Variants in RSPH14 observed in about 807,000 individuals in gnomAD.
The protein encoded by RSPH14 is rhabdoid tumor deletion region gene 1.
A neutral mutation model predicts 26.7 loss-of-function variants in RSPH14; 20 were observed. That is an observed-to-expected ratio of 0.75 (90% CI 0.53 to 1.09). The LOEUF (loss-of-function observed/expected upper bound fraction) is 1.09. Ranked by LOEUF, RSPH14 falls within the 50% of genes least tolerant of loss-of-function variation. The pLI is 0.00. For missense variants in RSPH14, 449 were observed against 457.2 expected, an observed-to-expected ratio of 0.98 and a Z score of 0.16; for synonymous variants, 177 against 189.3, an observed-to-expected ratio of 0.93 and a Z score of 0.53.
chr22:23,069,093 G>A (rs1335900238), intron 4 of RSPH14, among the ~76,000 whole-genome samples: 1 of 152,220 alleles, frequency 6.6e-6, no homozygotes, highest in African/African-American at 2.4e-5. Flanking sequence ...TCTCACAGAA[G>A]AGGAAACATT....
chr22:23,091,276 G>A (rs1458591694), intron 4 of RSPH14, among the ~76,000 whole-genome samples: 2 of 152,140 alleles, frequency 1.3e-5, no homozygotes, highest in African/African-American at 4.8e-5. Context: ...CCATGCACCT[G>A]CACTCTCACA....
chr22:23,157,178 G>C, the RSPH14 span, among the ~76,000 whole-genome samples: 1 of 152,068 alleles, frequency 6.6e-6, no homozygotes, highest in African/African-American at 2.4e-5. Context: ...AAGTTGTTTC[G>C]CTAAAGCAGG....
intron 4 of RSPH14, among the ~76,000 whole-genome samples, chr22:23,130,349 G>T: frequency 6.6e-6 from 1 of 151,604 alleles, no homozygotes; most frequent in East Asian, 1.9e-4. Flanking sequence ...CAGCTACTCG[G>T]GAGGCTGAGG....
At chr22:23,161,427 G>A in the RSPH14 span, 2 of 1,323,604 alleles carry the variant, frequency 1.5e-6, no homozygotes, top group South Asian at 1.2e-5. Context: ...TGACTGTCAG[G>A]GCCGGCATCC....
At chr22:23,096,061 CG>C in intron 4 of RSPH14, 1 of 1,607,770 alleles carries the variant, frequency 6.2e-7, no homozygotes, top group Non-Finnish European at 8.5e-7. Flanking sequence ...AGATCACACC[CG>C]AGCTGCTGGG....
upstream of RSPH14, chr22:23,145,304 A>G (rs1483619951): frequency 1.6e-6 from 2 of 1,231,700 alleles, no homozygotes; most frequent in Non-Finnish European, 2.1e-6. Flanking sequence ...CCGGCTCTCC[A>G]GGGTGTCCAG....
intron 4 of RSPH14, chr22:23,122,720 G>C (rs572080406): frequency 3.6e-6 from 1 of 278,548 alleles, no homozygotes; most frequent in East Asian, 7.1e-5. Flanking sequence ...GCAGCCTGTG[G>C]ATGGGCAGTG....
At chr22:23,172,164 G>A in the RSPH14 span, among the ~76,000 whole-genome samples, 2 of 152,144 alleles carry the variant, frequency 1.3e-5, no homozygotes, top group Non-Finnish European at 2.9e-5. Context: ...CCATGTTGTA[G>A]CATTTATCAG....
intron 2 of RSPH14, 121 bp from the exon 3 acceptor site, chr22:23,139,063 G>T: frequency 1.4e-6 from 1 of 701,036 alleles, no homozygotes; most frequent in Non-Finnish European, 2.4e-6. Flanking sequence ...AGTTTCTGCT[G>T]CTTTGGGGCA....
chr22:23,176,496 C>T, the RSPH14 span, among the ~76,000 whole-genome samples: 1 of 152,200 alleles, frequency 6.6e-6, no homozygotes, highest in East Asian at 1.9e-4. Flanking sequence ...CCTTTGCAGC[C>T]TCTATACTAG....
At chr22:23,125,314 AC>A (rs2070154225) in intron 4 of RSPH14, among the ~76,000 whole-genome samples, 1 of 151,584 alleles carries the variant, frequency 6.6e-6, no homozygotes, top group African/African-American at 2.4e-5. Flanking sequence ...TGCCCCCAAG[AC>A]CCCACCCAAC....
chr22:23,088,155 G>T (rs1438969034), intron 4 of RSPH14, among the ~76,000 whole-genome samples: 1 of 152,204 alleles, frequency 6.6e-6, no homozygotes, highest in Non-Finnish European at 1.5e-5. Context: ...TTGTAAAGGC[G>T]GTTTCAAGCT....
intron 4 of RSPH14, among the ~76,000 whole-genome samples, chr22:23,130,060 AAAGAAAGAAAGAAAGAAAGAAAGGAAG>A (rs2070281258): frequency 6.9e-5 from 3 of 43,360 alleles, no homozygotes; most frequent in African/African-American, 3.1e-4. Context: ...AGAGAAAGAA[AAAGAAAGAAAGAAAGAAAGAAAGGAAG>A]AAAGAAAGAA....
At chr22:23,130,095 G>GAAAGAAAAAGAA (rs2070295816) in intron 4 of RSPH14, among the ~76,000 whole-genome samples, 1 of 45,888 alleles carries the variant, frequency 2.2e-5, no homozygotes, top group African/African-American at 7.4e-5. Flanking sequence ...AAGAAAGAAA[G>GAAAGAAAAAGAA]AAAGAAAGAA....
At chr22:23,130,596 A>C (rs1271813711) in intron 4 of RSPH14, among the ~76,000 whole-genome samples, 1 of 152,240 alleles carries the variant, frequency 6.6e-6, no homozygotes, top group Admixed American at 6.5e-5. Flanking sequence ...CACAGTGAGA[A>C]GCCAAGAAAA....
chr22:23,158,545 T>G, the RSPH14 span, among the ~76,000 whole-genome samples: 2 of 152,224 alleles, frequency 1.3e-5, no homozygotes, highest in African/African-American at 4.8e-5. Flanking sequence ...TACCTTGGTC[T>G]GGGGCATTCA....
intron 4 of RSPH14, among the ~76,000 whole-genome samples, chr22:23,099,776 A>C (rs758928208): frequency 2.6e-5 from 4 of 152,228 alleles, no homozygotes; most frequent in Non-Finnish European, 5.9e-5. Context: ...AGGGAAAGGC[A>C]AAGTGGAGAA....
At chr22:23,146,064 A>G, upstream of RSPH14, 4 of 965,722 alleles carry the variant, frequency 4.1e-6, no homozygotes, top group Non-Finnish European at 4.9e-6. Context: ...CTTGGTAGAC[A>G]CCTGTCAAGG....
At chr22:23,126,810 G>C (rs777543599) in intron 4 of RSPH14, among the ~76,000 whole-genome samples, 7 of 152,192 alleles carry the variant, frequency 4.6e-5, no homozygotes, top group Non-Finnish European at 8.8e-5. Flanking sequence ...CGCAGCCCCA[G>C]CCTCCTTTCC....
Sources: allele counts gnomAD v4.1 joint callset (sites outside exome capture counted in the v4.1 genomes callset), GRCh38; gene constraint gnomAD v4.1.1; transcripts MANE v1.5; gene names NCBI Gene and HGNC (gene_info 2026-07-23, HGNC 2026-07-21).